INPP5A: variants seen among roughly 807,000 people sequenced by gnomAD.
INPP5A encodes the protein 43 kDa inositol polyphosphate 5-phophatase.
In INPP5A, 14 loss-of-function variants were observed where a neutral mutation model predicts 65.2. The ratio of observed to expected loss-of-function variants is 0.21; its 90% CI spans 0.14 to 0.34. The LOEUF (loss-of-function observed/expected upper bound fraction) is 0.34. Among genes scored for constraint, INPP5A ranks in the 10% least tolerant of loss-of-function variants. The pLI, the probability that INPP5A is intolerant of heterozygous loss-of-function variation, is 1.00. For missense variants in INPP5A, 431 were observed against 545.6 expected (o/e 0.79, Z 2.09); for synonymous variants, 207 against 208.3 (o/e 0.99, Z 0.05).
intron 4 of INPP5A, among the ~76,000 whole-genome samples, chr10:132,662,347 A>G (rs1035288420): frequency 5.9e-5 from 9 of 152,230 alleles, no homozygotes; most frequent in African/African-American, 2.2e-4. Context: ...CTGAATGTTC[A>G]TAGCAGCTTT....
chr10:132,570,274 G>A (rs1200845611), intron 1 of INPP5A, among the ~76,000 whole-genome samples: 1 of 152,214 alleles, frequency 6.6e-6, no homozygotes, highest in Non-Finnish European at 1.5e-5. Context: ...CTGCACGTTT[G>A]CCTTGAGCTG....
Position 132,545,423 on chromosome 10 carries a change from G to A in INPP5A, c.75+7252G>A, listed in dbSNP as rs183522662. On this transcript the variant is annotated intron_variant, in intron 1 of 15. Transcript: ENST00000368594. The surrounding 1 kb of genome is among the most constrained non-coding windows in gnomAD (Gnocchi z 4.6). ...CTCTCTGAGCTGTGGGGCTCACGGA[G>A]GGACAGCCTCCAGGAAGGTGGCCTC... Among the ~76,000 whole-genome samples the A allele has an allele frequency of 1.5e-3, 232 of 152,310 alleles. No individual in the cohort carries two copies. The highest frequency in any genetic ancestry group is 5.3e-3 in the African/African-American group (219 of 41,556).
At chr10:132,710,127 A>G (rs1204445717) in intron 7 of INPP5A, among the ~76,000 whole-genome samples, 1 of 152,252 alleles carries the variant, frequency 6.6e-6, no homozygotes, top group Non-Finnish European at 1.5e-5. Flanking sequence ...GAGTAACTGC[A>G]TTTGTAAAGA....
chr10:132,569,723 C>T (rs573561616), intron 1 of INPP5A, among the ~76,000 whole-genome samples: 5 of 150,672 alleles, frequency 3.3e-5, no homozygotes, highest in African/African-American at 1.2e-4. Flanking sequence ...AGGCTGGTCT[C>T]GAACTCCTGA....
chr10:132,653,283 C>T (rs529477331), intron 4 of INPP5A, among the ~76,000 whole-genome samples: 80 of 152,202 alleles, frequency 5.3e-4, no homozygotes, highest in African/African-American at 1.8e-3. Flanking sequence ...CCGCGGCTGC[C>T]TCCACACCTG....
At position 132,621,805 on chromosome 10, in the gene INPP5A, C is replaced by T. The variant is rs950865759; in HGVS notation, c.117+13849C>T. Among the ~76,000 whole-genome samples the T allele has an allele frequency of 4.0e-3, 582 of 144,352 alleles. 5 individuals are homozygous for T. The highest frequency in any genetic ancestry group is 0.014 in the African/African-American group (527 of 38,878). 94.7% of individuals were successfully genotyped at this position (144,352 alleles called of 152,430 possible). A position where few individuals can be genotyped will look rare whatever the true frequency, so the allele number is the denominator to read the frequency against. On this transcript the variant is annotated intron_variant, in intron 2 of 15. Coordinates refer to ENST00000368594, the MANE Select transcript of INPP5A (RefSeq NM_005539.5). ...ATGTCTTTTTTTTTTTTTTTTAAATCTGTGTAGCTGTCTTATTTAGGAATA... is the reference window on the plus strand; with the variant it reads ...ATGTCTTTTTTTTTTTTTTTTAAATTTGTGTAGCTGTCTTATTTAGGAATA...
In INPP5A at chr10:132,603,835, A is replaced by G. The variant is rs896851616; in HGVS notation, c.76-4080A>G. Among the ~76,000 whole-genome samples the G allele has an allele frequency of 2.0e-5, 3 of 152,090 alleles. No homozygotes were observed. The highest frequency in any genetic ancestry group is 1.3e-4 in the Admixed American group (2 of 15,272). On this transcript the variant is annotated intron_variant, in intron 1 of 15. Transcript: ENST00000368594. This position sits in a 1 kb window ranked among gnomAD's most constrained non-coding sequence, Gnocchi z 4.2. ...GCCCTTGGTTCTGTACTGTGTGGAC[A>G]TGGTGTGGGTCACTGTGGTCTTTCC...
intron 8 of INPP5A, among the ~76,000 whole-genome samples, chr10:132,724,908 G>A (rs1446006517): frequency 4.0e-5 from 5 of 124,410 alleles, no homozygotes; most frequent in South Asian, 2.9e-4. Context: ...AGCACACGCC[G>A]TATTCACCAC....
At chr10:132,554,352 C>G (rs78037285) in intron 1 of INPP5A, among the ~76,000 whole-genome samples, 11 of 152,056 alleles carry the variant, frequency 7.2e-5, no homozygotes, top group Non-Finnish European at 7.4e-5. Context: ...GCTTAGGGCA[C>G]GCAGAGTCCA....
chr10:132,774,481 C>T lies in INPP5A; in HGVS notation c.978-3190C>T, dbSNP rs189306483. 9.8e-5 allele frequency among the ~76,000 whole-genome samples: 15 copies of T among 152,308 alleles called. 1 individual carries two copies. The highest frequency in any genetic ancestry group is 2.9e-4 in the African/African-American group (12 of 41,564). On this transcript the variant is annotated intron_variant, in intron 12 of 15. Coordinates refer to ENST00000368594, the MANE Select transcript of INPP5A (RefSeq NM_005539.5). ...CTCTGAGCACAGCTCGGGGAGTTGG[C>T]GTGAACTGTCGCCGTTCACTTGTGG...
chr10:132,646,029 G>A lies in INPP5A; in HGVS notation c.218+61G>A, dbSNP rs147603723. Reference sequence around the variant, plus strand: ...TCCCAGGGGTGTGGGGTGCCGGCGGGGGTCTTTTCATGGTACTATGATCAC... The same window carrying A: ...TCCCAGGGGTGTGGGGTGCCGGCGGAGGTCTTTTCATGGTACTATGATCAC... On this transcript the variant is annotated intron_variant, in intron 3 of 15. Transcript: ENST00000368594. 1,046 of 1,150,054 alleles carry A rather than the reference G, an allele frequency of 9.1e-4. 13 individuals are homozygous for A. The East Asian group carries it at 0.024, about 26-fold the overall frequency. The allele number at this position is 1,150,054 out of a possible 1,614,324, so 71.2% of individuals were successfully genotyped here.
chr10:132,552,037 T>A (rs1055337443), intron 1 of INPP5A, among the ~76,000 whole-genome samples: 1 of 152,250 alleles, frequency 6.6e-6, no homozygotes, highest in African/African-American at 2.4e-5. Flanking sequence ...TCCTCCTGCA[T>A]CCTTGTCTCC....
At chr10:132,687,871 C>T (rs1011540275) in intron 4 of INPP5A, among the ~76,000 whole-genome samples, 6 of 152,244 alleles carry the variant, frequency 3.9e-5, no homozygotes, top group Non-Finnish European at 8.8e-5. Context: ...GCCACCATGG[C>T]GTCGGTGCAC....
At chr10:132,564,792 A>G (rs1438038788) in intron 1 of INPP5A, among the ~76,000 whole-genome samples, 1 of 152,032 alleles carries the variant, frequency 6.6e-6, no homozygotes, top group Non-Finnish European at 1.5e-5. Flanking sequence ...CTCTTCTATG[A>G]GGTCTGGGAG....
intron 11 of INPP5A, among the ~76,000 whole-genome samples, chr10:132,755,251 G>A (rs534370011): frequency 9.2e-4 from 140 of 151,408 alleles, no homozygotes; most frequent in African/African-American, 3.4e-3. Flanking sequence ...ATGAGCAGGT[G>A]TGAGCAGGTG....
chr10:132,756,407 TGTG>T (rs1299941201), intron 11 of INPP5A, among the ~76,000 whole-genome samples: 13 of 152,202 alleles, frequency 8.5e-5, no homozygotes, highest in African/African-American at 1.7e-4. Flanking sequence ...TGTATGCACT[TGTG>T]TGTGTGCGTG....
intron 8 of INPP5A, among the ~76,000 whole-genome samples, chr10:132,721,257 G>A (rs1164192896): frequency 2.0e-5 from 3 of 150,220 alleles, no homozygotes; most frequent in Admixed American, 6.6e-5. Flanking sequence ...TTCTGTCTGG[G>A]CACCTTAGAT....
intron 1 of INPP5A, among the ~76,000 whole-genome samples, chr10:132,576,155 C>T (rs529623462): frequency 1.3e-5 from 2 of 152,310 alleles, no homozygotes; most frequent in South Asian, 4.1e-4. Context: ...AGGTCAGGCT[C>T]CAGGTTGAGG....
intron 9 of INPP5A, among the ~76,000 whole-genome samples, chr10:132,742,186 C>G (rs556638863): frequency 6.6e-6 from 1 of 152,366 alleles, no homozygotes; most frequent in Non-Finnish European, 1.5e-5. Context: ...GGAGCCTGTT[C>G]TGTTCCTGAT....
Sources: gnomAD v4.1 joint callset for allele counts (sites outside exome capture counted in the v4.1 genomes callset) on GRCh38, gnomAD v4.1.1 for gene constraint, Gnocchi (gnomAD v3.1) non-coding constraint, MANE v1.5 for transcripts, NCBI Gene and HGNC (gene_info 2026-07-23, HGNC 2026-07-21) for gene names.